Variants in CD86 observed in about 807,000 individuals in gnomAD.
The protein encoded by CD86 is T-lymphocyte activation antigen CD86.
CD86 carries 11 observed loss-of-function variants against 32.1 expected under a neutral mutation model. That is an observed-to-expected ratio of 0.34 (90% CI 0.22 to 0.57). The LOEUF is 0.57. Among genes scored for constraint, CD86 ranks in the 20% least tolerant of loss-of-function variants. The pLI, the probability that CD86 is intolerant of heterozygous loss-of-function variation, is 0.86. For missense variants in CD86, 359 were observed against 398.4 expected (o/e 0.90, Z 0.84); for synonymous variants, 137 against 135.3 (o/e 1.01, Z -0.09).
At chr3:122,079,947 T>C (rs781661682) in intron 1 of CD86, among the ~76,000 whole-genome samples, 22 of 152,104 alleles carry the variant, frequency 1.4e-4, no homozygotes, top group Non-Finnish European at 2.8e-4. Context: ...AAAAAAACCC[T>C]CTTCCTTCCA....
chr3:122,061,132 G>C (rs931038918), intron 1 of CD86, among the ~76,000 whole-genome samples: 8 of 152,172 alleles, frequency 5.3e-5, no homozygotes, highest in African/African-American at 1.4e-4. Context: ...ATTTGGTTAA[G>C]TGAACCAATT....
intron 4 of CD86, 56 bp downstream of exon 4, chr3:122,106,556 A>G (rs1277465555): frequency 6.9e-7 from 1 of 1,441,528 alleles, no homozygotes; most frequent in African/African-American, 1.4e-5. Flanking sequence ...CAAATGCTTA[A>G]GGCAGATCAT....
rs143970550 is a variant in CD86, at chr3:122,074,852, A to G, written c.15-16749A>G. ...GGCAGTGGAGGAAGCAGCCCCACAC[A>G]GAAAGCAGTTTCTGAAGTAACCTCA... On this transcript the variant is annotated intron_variant, in intron 1 of 6. Coordinates refer to ENST00000330540, the MANE Select transcript of CD86 (RefSeq NM_175862.5). 1.7e-3 allele frequency among the ~76,000 whole-genome samples: 261 copies of G among 152,290 alleles called. 2 individuals carry two copies. The highest frequency in any genetic ancestry group is 3.4e-3 in the Middle Eastern group (1 of 294).
At chr3:122,060,770 A>G (rs1326219356) in intron 1 of CD86, among the ~76,000 whole-genome samples, 2 of 152,232 alleles carry the variant, frequency 1.3e-5, no homozygotes, top group African/African-American at 4.8e-5. Flanking sequence ...TTGAGTGCAC[A>G]TAACATACAG....
intron 1 of CD86, among the ~76,000 whole-genome samples, chr3:122,082,663 C>T (rs1335653939): frequency 6.6e-6 from 1 of 152,184 alleles, no homozygotes; most frequent in Non-Finnish European, 1.5e-5. Flanking sequence ...TCTCCTGTGT[C>T]CACTTCTTCC....
At chr3:122,097,097 C>T (rs1282383461) in intron 2 of CD86, among the ~76,000 whole-genome samples, 5 of 152,158 alleles carry the variant, frequency 3.3e-5, no homozygotes, top group Non-Finnish European at 5.9e-5. Context: ...CTAACACTCT[C>T]GCGGACACTG....
In CD86 at chr3:122,066,587, T is replaced by A. The variant is rs1042101998; in HGVS notation, c.14+11084T>A. ...GGCAGTTTCCTCACCTATAAATTTT[T>A]TAAAAAATATTTATTGTGAAGATTA... On this transcript the variant is annotated intron_variant, in intron 1 of 6. Transcript: ENST00000330540. 2.6e-5 allele frequency among the ~76,000 whole-genome samples: 4 copies of A among 152,160 alleles called. No homozygotes were observed. The South Asian group carries it at 6.2e-4, about 24-fold the overall frequency.
chr3:122,111,036 T>C (rs1023557217), intron 5 of CD86, among the ~76,000 whole-genome samples: 20 of 152,098 alleles, frequency 1.3e-4, no homozygotes, highest in African/African-American at 4.8e-4. Flanking sequence ...TGAGAGAAGT[T>C]AGAAGGTGGT....
chr3:122,108,204 G>C (rs1383744471), intron 4 of CD86, among the ~76,000 whole-genome samples: 1 of 152,214 alleles, frequency 6.6e-6, no homozygotes, highest in Non-Finnish European at 1.5e-5. Context: ...AGCTCTAGCT[G>C]CCTCAGGAAG....
chr3:122,097,903 TAA>T (rs141618454), intron 2 of CD86, among the ~76,000 whole-genome samples: 4,047 of 152,220 alleles, frequency 0.027, 84 homozygotes, highest in Non-Finnish European at 0.042. Flanking sequence ...GAGCCTCAGA[TAA>T]AGAGACCTAA....
At chr3:122,107,918 C>T (rs998548800) in intron 4 of CD86, among the ~76,000 whole-genome samples, 16 of 152,238 alleles carry the variant, frequency 1.1e-4, no homozygotes, top group African/African-American at 3.9e-4. Context: ...CTCGTCCTGT[C>T]CCAGTTGCTT....
intron 1 of CD86, among the ~76,000 whole-genome samples, chr3:122,084,829 G>A (rs1190712741): frequency 6.6e-6 from 1 of 152,198 alleles, no homozygotes; most frequent in Non-Finnish European, 1.5e-5. Flanking sequence ...GATTCAAAGA[G>A]AGGAGATCCA....
chr3:122,070,109 T>G (rs755952608), intron 1 of CD86, among the ~76,000 whole-genome samples: 17 of 152,194 alleles, frequency 1.1e-4, no homozygotes, highest in Non-Finnish European at 2.5e-4. Context: ...TTTTGAGAGA[T>G]AGTGAAGACA....
intron 2 of CD86, among the ~76,000 whole-genome samples, chr3:122,094,940 G>A (rs1559907544): frequency 6.6e-6 from 1 of 152,168 alleles, no homozygotes; most frequent in African/African-American, 2.4e-5. Context: ...AGCTCTGTTT[G>A]CCACTGTCCT....
intron 2 of CD86, among the ~76,000 whole-genome samples, chr3:122,097,372 A>C (rs1419471118): frequency 1.3e-5 from 2 of 152,208 alleles, no homozygotes; most frequent in Non-Finnish European, 2.9e-5. Flanking sequence ...TGGGAGAGAG[A>C]GAGCTGAGTT....
intron 2 of CD86, among the ~76,000 whole-genome samples, chr3:122,098,175 C>T (rs542425445): frequency 5.9e-5 from 9 of 152,128 alleles, no homozygotes; most frequent in Non-Finnish European, 1.3e-4. Flanking sequence ...CCAAACATAC[C>T]GTGTCATGTC....
chr3:122,059,032 G>A (rs1048878564), intron 1 of CD86, among the ~76,000 whole-genome samples: 2 of 152,144 alleles, frequency 1.3e-5, no homozygotes, highest in Non-Finnish European at 2.9e-5. Context: ...AGCAGAGTGG[G>A]TTTGCGCCAG....
At chr3:122,060,827 T>G (rs2107497796) in intron 1 of CD86, among the ~76,000 whole-genome samples, 1 of 152,232 alleles carries the variant, frequency 6.6e-6, no homozygotes, top group East Asian at 1.9e-4. Flanking sequence ...GATTTGAGGC[T>G]TCGCAGAGGT....
At chr3:122,082,391 T>C (rs1429332332) in intron 1 of CD86, among the ~76,000 whole-genome samples, 1 of 152,232 alleles carries the variant, frequency 6.6e-6, no homozygotes, top group African/African-American at 2.4e-5. Flanking sequence ...TTCAGGTTCA[T>C]TACCCTAGTC....
Sources: allele counts gnomAD v4.1 joint callset (sites outside exome capture counted in the v4.1 genomes callset), GRCh38; gene constraint gnomAD v4.1.1; transcripts MANE v1.5; gene names NCBI Gene and HGNC (gene_info 2026-07-23, HGNC 2026-07-21).